The following SETD4 variants were observed in gnomAD, a reference collection of about 807,000 sequenced individuals.
The protein encoded by SETD4 is SET domain-containing protein 4.
Under a neutral mutation model 58.3 loss-of-function variants are expected in SETD4, and 46 were observed. The ratio of observed to expected loss-of-function variants is 0.79; its 90% CI spans 0.62 to 1.01. SETD4 has a LOEUF of 1.01. Among genes scored for constraint, SETD4 ranks in the 50% least tolerant of loss-of-function variants. The pLI, the probability that SETD4 is intolerant of heterozygous loss-of-function variation, is 0.00. For missense variants in SETD4, 490 were observed against 523.3 expected (o/e 0.94, Z 0.62); for synonymous variants, 190 against 202.6 (o/e 0.94, Z 0.53).
intron 10 of SETD4, among the ~76,000 whole-genome samples, chr21:36,036,873 T>C (rs2063805923): frequency 6.6e-6 from 1 of 152,218 alleles, no homozygotes; most frequent in Admixed American, 6.5e-5. Flanking sequence ...TTGTCATTTG[T>C]GACAACGTGG....
At chr21:36,050,939 GA>G in intron 4 of SETD4, 2 of 1,608,078 alleles carry the variant, frequency 1.2e-6, no homozygotes, top group South Asian at 2.2e-5. Context: ...TGTGTTCATT[GA>G]GTGAACAAGG....
intron 2 of SETD4, 90 bp downstream of exon 2, chr21:36,058,722 AAAAG>A (rs931198046): frequency 5.8e-4 from 808 of 1,392,804 alleles, no homozygotes; most frequent in East Asian, 8.9e-4. Flanking sequence ...CGTCTCAGAA[AAAAG>A]AAAGAAAGAA....
intron 7 of SETD4, 132 bp from the exon 8 acceptor site, chr21:36,042,020 C>T (rs957586305): frequency 1.5e-5 from 8 of 537,198 alleles, no homozygotes; most frequent in Non-Finnish European, 2.3e-5. Flanking sequence ...CTAATTCACA[C>T]AAAGGAAATC....
chr21:36,048,596 G>C (rs1215352783), intron 4 of SETD4, among the ~76,000 whole-genome samples, 200 bp from the exon 5 acceptor site: 1 of 152,084 alleles, frequency 6.6e-6, no homozygotes, highest in Non-Finnish European at 1.5e-5. Flanking sequence ...TCCAAGGCGA[G>C]GCCCCACAGC....
intron 9 of SETD4, among the ~76,000 whole-genome samples, chr21:36,039,789 T>C (rs2063957251): frequency 6.6e-6 from 1 of 152,186 alleles, no homozygotes; most frequent in Non-Finnish European, 1.5e-5. Flanking sequence ...GAAATTTTAC[T>C]CCAAAAGTTC....
Position 36,041,908 on chromosome 21 carries a change from T to A in SETD4, c.902-20A>T, listed in dbSNP as rs2064081857. 1.1e-6 allele frequency: 1 copy of A among 932,478 alleles called. No individual in the cohort carries two copies. The highest frequency in any genetic ancestry group is 1.7e-5 in the South Asian group (1 of 60,172). The allele number at this position is 932,478 out of a possible 1,614,324, so 57.8% of individuals were successfully genotyped here. A position where few individuals can be genotyped will look rare whatever the true frequency, so the allele number is the denominator to read the frequency against. On this transcript the variant is annotated intron_variant, in intron 7 of 11. Transcript: ENST00000332131. Reference sequence around the variant, plus strand: ...GTATTTCTATATTCAAAAAAAAAAATCAGACTGTTAGGGCATAAATTTGGA... The same window carrying A: ...GTATTTCTATATTCAAAAAAAAAAAACAGACTGTTAGGGCATAAATTTGGA...
chr21:36,038,283 A>T lies in SETD4; in HGVS notation c.1065-10T>A. ...TTTTTTCCAGCATGTACTAGAACCA[A>T]AATGTTCCATGACACAATTTTAGCA... On this transcript the variant is annotated splice_polypyrimidine_tract_variant and intron_variant, in intron 9 of 11. Transcript: ENST00000332131. 6.2e-7 allele frequency: 1 copy of T among 1,606,030 alleles called. No individual in the cohort carries two copies. Among genetic ancestry groups the T allele is most frequent in the East Asian group, 2.2e-5 (1 of 44,848 alleles).
chr21:36,051,530 G>A (rs900708729), intron 4 of SETD4, among the ~76,000 whole-genome samples: 2 of 152,208 alleles, frequency 1.3e-5, no homozygotes, highest in Admixed American at 6.5e-5. Context: ...GGAGATAGAC[G>A]AGACCCCCGC....
chr21:36,045,581 C>G lies in SETD4; in HGVS notation c.726+1G>C, dbSNP rs552463390. The G allele has an allele frequency of 8.6e-5, 139 of 1,611,918 alleles. No homozygotes were observed. The highest frequency in any genetic ancestry group is 1.1e-4 in the Non-Finnish European group (134 of 1,178,438). ...TAGCTGCTCCCTTGTCAGCTTCTCA[C>G]CTGGACATGTGGGCTATGATTCAGC... On this transcript the variant is annotated splice_donor_variant, in intron 6 of 11. Coordinates refer to ENST00000332131, the MANE Select transcript of SETD4 (RefSeq NM_017438.5). LOFTEE classifies it high-confidence loss of function.
chr21:36,055,856 T>C (rs1277842725), intron 3 of SETD4, among the ~76,000 whole-genome samples: 3 of 152,178 alleles, frequency 2.0e-5, no homozygotes, highest in Non-Finnish European at 4.4e-5. Context: ...GATTCCTGCT[T>C]GATGATTTTA....
At chr21:36,043,745 A>C (rs1259838541) in intron 7 of SETD4, 37 bp downstream of exon 7, 1 of 1,606,240 alleles carries the variant, frequency 6.2e-7, no homozygotes, top group African/African-American at 1.3e-5. Flanking sequence ...GAAAAAAATT[A>C]TATAGTGTTA....
intron 5 of SETD4, among the ~76,000 whole-genome samples, chr21:36,046,592 A>T (rs2064342288): frequency 6.6e-6 from 1 of 152,254 alleles, no homozygotes; most frequent in Non-Finnish European, 1.5e-5. Context: ...AACATCTGTC[A>T]TTGCTAAAAG....
At chr21:36,055,683 C>G (rs997247319) in intron 3 of SETD4, among the ~76,000 whole-genome samples, 1 of 152,236 alleles carries the variant, frequency 6.6e-6, no homozygotes, top group Admixed American at 6.5e-5. Flanking sequence ...TTCCCCAGAA[C>G]TGTAAGCACT....
intron 4 of SETD4, among the ~76,000 whole-genome samples, chr21:36,052,493 G>C (rs2064760871): frequency 1.3e-5 from 2 of 150,442 alleles, no homozygotes; most frequent in Admixed American, 1.3e-4. Context: ...AGGAGACGGA[G>C]GTTGCAAGGA....
intron 4 of SETD4, among the ~76,000 whole-genome samples, chr21:36,051,711 C>CA (rs924908297): frequency 6.0e-5 from 9 of 150,542 alleles, no homozygotes; most frequent in East Asian, 1.9e-4. Context: ...TGTTTTTGTA[C>CA]AAAAAAAATG....
chr21:36,041,329 C>G (rs575862619), intron 8 of SETD4, among the ~76,000 whole-genome samples: 1 of 152,148 alleles, frequency 6.6e-6, no homozygotes, highest in Admixed American at 6.5e-5. Context: ...CACACCATGG[C>G]GGGATCATTT....
rs866949184 is a variant in SETD4 at position 36,036,111 on chromosome 21, G to A, written c.*6C>T. 6.2e-7 allele frequency: 1 copy of A among 1,614,170 alleles called. No homozygotes were observed. The highest frequency in any genetic ancestry group is 1.1e-5 in the South Asian group (1 of 91,080). On this transcript the variant is annotated 3_prime_UTR_variant, in exon 11 of 12. Coordinates refer to ENST00000332131, the MANE Select transcript of SETD4 (RefSeq NM_017438.5). ...AGAGGAGGTGACCAAATGCGCTTCG[G>A]TGAAATCAGGTAAAAGCTGTTTGCA...
chr21:36,041,299 C>T (rs1450529627), intron 8 of SETD4, among the ~76,000 whole-genome samples: 1 of 152,132 alleles, frequency 6.6e-6, no homozygotes, highest in African/African-American at 2.4e-5. Context: ...TGATGGCAGC[C>T]ACCACTGCCA....
chr21:36,048,205 A>G, intron 5 of SETD4, 103 bp downstream of exon 5: 1 of 974,224 alleles, frequency 1.0e-6, no homozygotes, highest in Non-Finnish European at 1.7e-6. Flanking sequence ...CAGCTCTACA[A>G]GGGACTGGGT....
Sources: allele counts gnomAD v4.1 joint callset (sites outside exome capture counted in the v4.1 genomes callset), GRCh38; gene constraint gnomAD v4.1.1; transcripts MANE v1.5; gene names NCBI Gene and HGNC (gene_info 2026-07-23, HGNC 2026-07-21).